The following ZNF251 variants were observed in gnomAD, a reference collection of about 807,000 sequenced individuals.
The protein encoded by ZNF251 is zinc finger protein 251.
In ZNF251, 14 loss-of-function variants were observed where a neutral mutation model predicts 13.5. The ratio of observed to expected loss-of-function variants is 1.04; its 90% CI spans 0.69 to 1.63. The LOEUF (loss-of-function observed/expected upper bound fraction) is 1.63, where lower values mean the gene tolerates loss of function less well. Ranked by LOEUF, ZNF251 falls within the 40% of genes most tolerant of loss-of-function variation. ZNF251 has a pLI of 0.00. For synonymous variants in ZNF251, 287 were observed against 295.2 expected, an observed-to-expected ratio of 0.97 and a Z score of 0.28; for missense variants, 764 against 834.9, an observed-to-expected ratio of 0.92 and a Z score of 1.05.
chr8:144,732,787 G>A (rs1452593756), intron 4 of ZNF251, among the ~76,000 whole-genome samples: 2 of 147,006 alleles, frequency 1.4e-5, no homozygotes, highest in Non-Finnish European at 3.0e-5. Flanking sequence ...ACTCCAGCCT[G>A]GGCGACAGAG....
chr8:144,748,799 G>A (rs1824550667), intron 4 of ZNF251, among the ~76,000 whole-genome samples: 1 of 152,112 alleles, frequency 6.6e-6, no homozygotes, highest in African/African-American at 2.4e-5. Flanking sequence ...CCAGGCTCAA[G>A]GGATCCTCCC....
At position 144,755,507 on chromosome 8, in the gene ZNF251, G is replaced by A. The variant is rs1824926211; in HGVS notation, c.-178C>T. Reference sequence around the variant, plus strand: ...CCCACAGAACCGGGTCCAGAGCCGGGGAGGGGGCGGGCTAGGATGAAGAGG... The same window carrying A: ...CCCACAGAACCGGGTCCAGAGCCGGAGAGGGGGCGGGCTAGGATGAAGAGG... On this transcript the variant is annotated 5_prime_UTR_variant, in exon 1 of 5. Coordinates refer to ENST00000292562, the MANE Select transcript of ZNF251 (RefSeq NM_138367.2). 1 of 1,286,528 alleles carries A rather than the reference G, an allele frequency of 7.8e-7. No homozygotes were observed. The highest frequency in any genetic ancestry group is 1.0e-6 in the Non-Finnish European group (1 of 988,452). The allele number at this position is 1,286,528 out of a possible 1,614,324, so 79.7% of individuals were successfully genotyped here. A position where few individuals can be genotyped will look rare whatever the true frequency, so the allele number is the denominator to read the frequency against.
intron 4 of ZNF251, among the ~76,000 whole-genome samples, chr8:144,746,283 C>A (rs1478664252): frequency 6.6e-6 from 1 of 152,218 alleles, no homozygotes; most frequent in Admixed American, 6.5e-5. Flanking sequence ...TGGTACATCA[C>A]ATTACATTAA....
intron 4 of ZNF251, among the ~76,000 whole-genome samples, chr8:144,727,306 A>G (rs1447156020): frequency 2.6e-5 from 4 of 152,178 alleles, no homozygotes; most frequent in African/African-American, 4.8e-5. Flanking sequence ...CTAACAAGAG[A>G]GGCAGCCTGT....
Position 144,723,177 on chromosome 8 carries a change from G to A in ZNF251, c.483C>T (p.His161=). 6.2e-7 allele frequency: 1 copy of A among 1,612,352 alleles called. No homozygotes were observed. Among genetic ancestry groups the A allele is most frequent in the Non-Finnish European group, 8.5e-7 (1 of 1,179,090 alleles). Residue 161 remains histidine (H), a synonymous_variant, in exon 5 of 5, where the codon CAC becomes CAT. Transcript: ENST00000292562. ...AGQSLNKPNI[H]KRVLTEATVG... is the part of the protein sequence containing the mutation. ...CGGTAGCTTCTGTTAAAACTCTCTT[G>A]TGAATATTGGGTTTGTTCAAACTCT... is the stretch of plus-strand genomic sequence containing the variant.
Position 144,721,810 on chromosome 8 carries a change from G to C in ZNF251, c.1850C>G (p.Thr617Ser). The change falls in exon 5 of 5, where the codon ACT (threonine) becomes AGT (serine). Residue 617 changes from threonine to serine, a missense_variant. Physicochemically the swap from Thr to Ser is moderately conservative, Grantham distance 58 (BLOSUM62 1). Transcript: ENST00000292562. ...STLIQHQVTHTGQKPCHCSVY... is the reference protein window; with the variant it reads ...STLIQHQVTHSGQKPCHCSVY... The stretch of plus-strand genomic sequence containing the variant: ...ACTGCAATGACATGGTTTCTGACCA[G>C]TGTGAGTTACCTGATGTTGAATAAG... 1 of 1,494,336 alleles carries C rather than the reference G, an allele frequency of 6.7e-7. No individual in the cohort carries two copies. The highest frequency in any genetic ancestry group is 8.9e-7 in the Non-Finnish European group (1 of 1,122,076). The allele number at this position is 1,494,336 out of a possible 1,614,324, so 92.6% of individuals were successfully genotyped here. A position where few individuals can be genotyped will look rare whatever the true frequency, so the allele number is the denominator to read the frequency against.
chr8:144,753,274 G>GAAAAAA (rs11336657), intron 4 of ZNF251, among the ~76,000 whole-genome samples: 1 of 41,834 alleles, frequency 2.4e-5, no homozygotes, highest in Non-Finnish European at 4.0e-5. Flanking sequence ...ATTCTGTCTC[G>GAAAAAA]AAAAAAAAAA....
rs942339260 is a variant in ZNF251 at position 144,734,640 on chromosome 8, G to A, written c.278-11258C>T. ...ACTGGGACACCCTGAAGAGGGAGGCGCTGCCTGAAAGGTAGGGACACACAG... is the reference window on the plus strand; with the variant it reads ...ACTGGGACACCCTGAAGAGGGAGGCACTGCCTGAAAGGTAGGGACACACAG... On this transcript the variant is annotated intron_variant, in intron 4 of 4. Transcript: ENST00000292562. The surrounding 1 kb of genome is among the most constrained non-coding windows in gnomAD (Gnocchi z 4.4). 1.3e-5 allele frequency among the ~76,000 whole-genome samples: 2 copies of A among 152,220 alleles called. No individual in the cohort carries two copies. Among genetic ancestry groups the A allele is most frequent in the African/African-American group, 2.4e-5 (1 of 41,454 alleles).
chr8:144,750,436 G>A (rs1824640449), intron 4 of ZNF251, among the ~76,000 whole-genome samples: 1 of 152,146 alleles, frequency 6.6e-6, no homozygotes, highest in Non-Finnish European at 1.5e-5. Context: ...TCCAGAAGTA[G>A]CTAGTGTTAG....
At chr8:144,732,593 A>G (rs1296573405) in intron 4 of ZNF251, among the ~76,000 whole-genome samples, 4 of 151,788 alleles carry the variant, frequency 2.6e-5, no homozygotes, top group South Asian at 2.1e-4. Context: ...CGGGGGAATC[A>G]CGAGGTCAGG....
intron 4 of ZNF251, among the ~76,000 whole-genome samples, chr8:144,741,045 C>T (rs1409502928): frequency 5.9e-5 from 9 of 152,222 alleles, no homozygotes; most frequent in Admixed American, 2.6e-4. Flanking sequence ...CTGAGTTCCT[C>T]GAAGTGCTGC....
Position 144,755,448 on chromosome 8 carries a change from G to C in ZNF251, c.-119C>G, listed in dbSNP as rs1195853864. 3 of 1,286,960 alleles carry C rather than the reference G, an allele frequency of 2.3e-6. No individual in the cohort carries two copies. Among genetic ancestry groups the C allele is most frequent in the African/African-American group, 3.0e-5 (2 of 65,806 alleles). The allele number at this position is 1,286,960 out of a possible 1,614,324, so 79.7% of individuals were successfully genotyped here. On this transcript the variant is annotated 5_prime_UTR_variant, in exon 1 of 5. Transcript: ENST00000292562. ...GAAGCCACCGAGGAAGCGCCGAGGA[G>C]CTGCGCAGTCGCACCGAGCCCGGAA... is the stretch of plus-strand genomic sequence containing the variant.
At chr8:144,751,107 C>T (rs1311824115) in intron 4 of ZNF251, among the ~76,000 whole-genome samples, 1 of 152,122 alleles carries the variant, frequency 6.6e-6, no homozygotes, top group Non-Finnish European at 1.5e-5. Flanking sequence ...CCTCGGCCTC[C>T]CAAAGTGCTG....
rs1401840589 is a variant in ZNF251 at position 144,753,565 on chromosome 8, G to A, written c.277+118C>T. The A allele has an allele frequency of 7.1e-6, 5 of 702,490 alleles. No homozygotes were observed. The African/African-American group carries it at 8.9e-5, about 13-fold the overall frequency. The allele number at this position is 702,490 out of a possible 1,614,324, so 43.5% of individuals were successfully genotyped here. On this transcript the variant is annotated intron_variant, in intron 4 of 4. Transcript: ENST00000292562. ...ATTTGTAGAGGGGCTGTATCTGTGAGACTGCCCCTGGGGGAGGCCATTAAT... is the reference window on the plus strand; with the variant it reads ...ATTTGTAGAGGGGCTGTATCTGTGAAACTGCCCCTGGGGGAGGCCATTAAT...
At chr8:144,723,660 C>T (rs892537248) in intron 4 of ZNF251, among the ~76,000 whole-genome samples, 4 of 152,134 alleles carry the variant, frequency 2.6e-5, no homozygotes, top group Non-Finnish European at 5.9e-5. Context: ...GAAGGCCAGG[C>T]GTGTTCTAGG....
At chr8:144,728,252 G>C (rs112113447) in intron 4 of ZNF251, among the ~76,000 whole-genome samples, 10,028 of 152,088 alleles carry the variant, frequency 0.066, 1,063 homozygotes, top group African/African-American at 0.23. Flanking sequence ...GGTCAGGACA[G>C]CCAACACTCA....
intron 4 of ZNF251, among the ~76,000 whole-genome samples, chr8:144,732,737 G>A (rs557202184): frequency 6.6e-4 from 100 of 151,190 alleles, no homozygotes; most frequent in Non-Finnish European, 1.2e-3. Context: ...GCGTGAACCC[G>A]GGAGGCGGAG....
Position 144,736,679 on chromosome 8 carries a change from T to C in ZNF251, c.278-13297A>G, listed in dbSNP as rs935865506. Among the ~76,000 whole-genome samples the C allele has an allele frequency of 7.4e-5, 11 of 149,438 alleles. No homozygotes were observed. In the East Asian group the frequency reaches 2.0e-3, roughly 27 times the overall value. ...GCTAATTTTTATATTTTTAGTAGAG[T>C]TGGGGTTTCTCCAAGTTGGTCAGGC... On this transcript the variant is annotated intron_variant, in intron 4 of 4. Coordinates refer to ENST00000292562, the MANE Select transcript of ZNF251 (RefSeq NM_138367.2).
chr8:144,753,447 AC>A, intron 4 of ZNF251: 1 of 442,678 alleles, frequency 2.3e-6, no homozygotes. Context: ...AATCACCAAA[AC>A]AAAAATATGA....
Sources: gnomAD v4.1 joint callset for allele counts (sites outside exome capture counted in the v4.1 genomes callset) on GRCh38, gnomAD v4.1.1 for gene constraint, Gnocchi (gnomAD v3.1) non-coding constraint, MANE v1.5 for transcripts, NCBI Gene and HGNC (gene_info 2026-07-23, HGNC 2026-07-21) for gene names.